The following RASGRF1 variants were observed in gnomAD, a reference collection of about 807,000 sequenced individuals.
RASGRF1 encodes ras-specific guanine nucleotide-releasing factor 1.
In RASGRF1, 40 loss-of-function variants were observed where a neutral mutation model predicts 138.7. That is an observed-to-expected ratio of 0.29 (90% CI 0.22 to 0.38). RASGRF1 has a LOEUF of 0.38. Ranked by LOEUF, RASGRF1 falls within the 10% of genes least tolerant of loss-of-function variation. The pLI, the probability that RASGRF1 is intolerant of heterozygous loss-of-function variation, is 1.00. For missense variants in RASGRF1, 1,108 were observed against 1,650.4 expected (o/e 0.67, Z 5.69); for synonymous variants, 614 against 663.2 (o/e 0.93, Z 1.14).
chr15:79,005,399 G>A, intron 14 of RASGRF1: 1 of 985,366 alleles, frequency 1.0e-6, no homozygotes, highest in Non-Finnish European at 1.2e-6. Flanking sequence ...TTTGGGGCAG[G>A]GCACTCAGAG....
In RASGRF1 at chr15:79,032,132, G is replaced by T; in HGVS notation, c.1143C>A (p.Pro381=). The T allele has an allele frequency of 6.2e-7, 1 of 1,613,756 alleles. No individual in the cohort carries two copies. The highest frequency in any genetic ancestry group is 1.1e-5 in the South Asian group (1 of 91,034). ...ERTLETFLTY[P]MFQIPRYILT... is the part of the protein sequence containing the mutation. Reference sequence around the variant, plus strand: ...CAGGGCCGGACGCCACCTGGAACATGGGGTAGGTGAGGAAGGTCTCCAGCG... The same window carrying T: ...CAGGGCCGGACGCCACCTGGAACATTGGGTAGGTGAGGAAGGTCTCCAGCG... The change falls in exon 7 of 27, where the codon CCC becomes CCA. Residue 381 remains proline (P), a synonymous_variant. Coordinates refer to ENST00000558480, the MANE Select transcript of RASGRF1 (RefSeq NM_001145648.3). This position sits in a 1 kb window ranked among gnomAD's most constrained non-coding sequence, Gnocchi z 4.5.
chr15:79,000,019 CTG>C, intron 16 of RASGRF1, 106 bp from the exon 17 acceptor site: 1 of 1,250,172 alleles, frequency 8.0e-7, no homozygotes, highest in Admixed American at 2.0e-5. Context: ...AGCCAGCAGG[CTG>C]TGTCTTCAGG....
At chr15:78,963,545 A>T (rs908660095) in intron 26 of RASGRF1, among the ~76,000 whole-genome samples, 2 of 152,012 alleles carry the variant, frequency 1.3e-5, no homozygotes, top group Admixed American at 1.3e-4. Flanking sequence ...CAAGTGATCC[A>T]CCTGCCTTGG....
chr15:79,069,760 A>G, intron 1 of RASGRF1, among the ~76,000 whole-genome samples: 1 of 152,218 alleles, frequency 6.6e-6, no homozygotes, highest in Admixed American at 6.5e-5. Flanking sequence ...TGGGTCCTTG[A>G]GGTGCCTGGG....
At chr15:79,036,519 T>C (rs577843905) in intron 5 of RASGRF1, among the ~76,000 whole-genome samples, 1 of 152,334 alleles carries the variant, frequency 6.6e-6, no homozygotes, top group African/African-American at 2.4e-5. Flanking sequence ...GTTTGTGCTC[T>C]GAGGCAGCCC....
intron 15 of RASGRF1, among the ~76,000 whole-genome samples, chr15:79,002,896 A>G (rs1295285517): frequency 6.6e-6 from 1 of 152,228 alleles, no homozygotes; most frequent in African/African-American, 2.4e-5. Context: ...CTCCTCCTCA[A>G]AGCCTGGGGC....
chr15:79,064,221 C>T (rs2057646050), intron 2 of RASGRF1, among the ~76,000 whole-genome samples, 199 bp downstream of exon 2: 1 of 152,190 alleles, frequency 6.6e-6, no homozygotes, highest in Non-Finnish European at 1.5e-5. Context: ...TACTCATGGC[C>T]TCTCATTCCC....
rs2141048538 is a variant in RASGRF1 at position 79,058,329 on chromosome 15, GT to G, written c.531+4del. The G allele has an allele frequency of 6.2e-7, 1 of 1,612,206 alleles. No homozygotes were observed. The highest frequency in any genetic ancestry group is 2.2e-5 in the East Asian group (1 of 44,862). ...GCCTGGGCCCACCCCCCAGCCCGCA[GT>G]CACCTCTGCCTTCAGCCGCTCGATC... On this transcript the variant is annotated splice_donor_region_variant and intron_variant, in intron 3 of 26. Coordinates refer to ENST00000558480, the MANE Select transcript of RASGRF1 (RefSeq NM_001145648.3).
chr15:78,996,202 T>C (rs7175689), intron 19 of RASGRF1, among the ~76,000 whole-genome samples: 132,606 of 152,250 alleles, frequency 0.87, 57,848 homozygotes, highest in East Asian at 1. Context: ...GCACAGGGAG[T>C]GGGGAGGCAG....
chr15:79,045,870 G>A (rs1202357888), intron 5 of RASGRF1, among the ~76,000 whole-genome samples: 1 of 152,224 alleles, frequency 6.6e-6, no homozygotes, highest in Non-Finnish European at 1.5e-5. Flanking sequence ...ATTAGTGAAA[G>A]GACTGAATGC....
intron 13 of RASGRF1, among the ~76,000 whole-genome samples, chr15:79,012,250 T>C (rs1247611088): frequency 6.6e-6 from 1 of 152,138 alleles, no homozygotes; most frequent in African/African-American, 2.4e-5. Context: ...CTTCCCAGAA[T>C]GCCCTTCCCC....
Position 78,995,757 on chromosome 15 carries a change from C to T in RASGRF1, c.3010G>A (p.Glu1004Lys), listed in dbSNP as rs371768177. 4 of 1,614,072 alleles carry T rather than the reference C, an allele frequency of 2.5e-6. No individual in the cohort carries two copies. The highest frequency in any genetic ancestry group is 3.4e-6 in the Non-Finnish European group (4 of 1,180,036). ...EDPGDNQITL[E>K]EITQMAEGVK... Reference sequence around the variant, plus strand: ...CAGCTCACCATCTGCGTGATCTCCTCCAGCGTGATCTGGTTGTCACCTGGG... The same window carrying T: ...CAGCTCACCATCTGCGTGATCTCCTTCAGCGTGATCTGGTTGTCACCTGGG... The change falls in exon 20 of 27, where the codon GAG becomes AAG. Residue 1004 changes from glutamate (E) to lysine (K), a missense_variant. This residue lies in a region of RASGRF1 where 686 missense variants were observed against 976.7 expected (regional missense o/e 0.70). Transcript: ENST00000558480.
chr15:78,991,565 G>A (rs2056267527), intron 21 of RASGRF1, 126 bp downstream of exon 21: 2 of 706,680 alleles, frequency 2.8e-6, no homozygotes, highest in Non-Finnish European at 4.9e-6. Flanking sequence ...GCTGACCCAG[G>A]CACTATTGTT....
chr15:79,010,257 C>T (rs1190607252), intron 13 of RASGRF1, among the ~76,000 whole-genome samples: 5 of 152,102 alleles, frequency 3.3e-5, no homozygotes, highest in East Asian at 1.9e-4. Context: ...AGGCTGGCCT[C>T]GACCTCCTGA....
chr15:79,075,965 C>CATTAATTCAACCAGTATTT (rs1225546295), intron 1 of RASGRF1, among the ~76,000 whole-genome samples: 2 of 152,206 alleles, frequency 1.3e-5, no homozygotes, highest in Non-Finnish European at 2.9e-5. Context: ...ATTTCTCGTT[C>CATTAATTCAACCAGTATTT]ATTAATTCAA....
At chr15:79,014,163 C>A (rs1240939571) in intron 13 of RASGRF1, among the ~76,000 whole-genome samples, 1 of 152,198 alleles carries the variant, frequency 6.6e-6, no homozygotes, top group Non-Finnish European at 1.5e-5. Context: ...AAAACTAGCA[C>A]AACCACTATG....
chr15:79,081,407 T>G (rs1231802918), intron 1 of RASGRF1, among the ~76,000 whole-genome samples: 2 of 152,062 alleles, frequency 1.3e-5, no homozygotes, highest in South Asian at 2.1e-4. Flanking sequence ...TCCAGATGGG[T>G]TTTCTCCTGT....
rs541485143 is a variant in RASGRF1, at chr15:79,072,114, C to T, written c.277-7588G>A. Among the ~76,000 whole-genome samples, 5 of 152,184 alleles carry T rather than the reference C, an allele frequency of 3.3e-5. No homozygotes were observed. In the East Asian group the frequency reaches 7.8e-4, roughly 24 times the overall value. On this transcript the variant is annotated intron_variant, in intron 1 of 26. Coordinates refer to ENST00000558480, the MANE Select transcript of RASGRF1 (RefSeq NM_001145648.3). The stretch of plus-strand genomic sequence containing the variant: ...CCTGCTTTGGTTCAAGGCCCAAGCT[C>T]CAAAGCCTCAGTCAGGCCAGCTCAG...
At chr15:79,071,371 T>G (rs2057752910) in intron 1 of RASGRF1, among the ~76,000 whole-genome samples, 1 of 151,422 alleles carries the variant, frequency 6.6e-6, no homozygotes, top group South Asian at 2.1e-4. Flanking sequence ...TTTCTTTTTT[T>G]TTTTTTGAGT....
Sources: gnomAD v4.1 joint callset for allele counts (sites outside exome capture counted in the v4.1 genomes callset) on GRCh38, gnomAD v4.1.1 for gene constraint, gnomAD v4.1.1 regional missense constraint, Gnocchi (gnomAD v3.1) non-coding constraint, MANE v1.5 for transcripts, NCBI Gene and HGNC (gene_info 2026-07-23, HGNC 2026-07-21) for gene names.